DEFB125: variants seen among roughly 807,000 people sequenced by gnomAD.
DEFB125 encodes beta-defensin 125.
A neutral mutation model predicts 11.8 loss-of-function variants in DEFB125; 11 were observed. That is an observed-to-expected ratio of 0.94 (90% CI 0.59 to 1.55). The LOEUF (loss-of-function observed/expected upper bound fraction) is 1.55, where lower values mean the gene tolerates loss of function less well. Among genes scored for constraint, DEFB125 ranks in the 40% most tolerant of loss-of-function variants. DEFB125 has a pLI of 0.00. For missense variants in DEFB125, 198 were observed against 191.2 expected (o/e 1.04, Z -0.21); for synonymous variants, 79 against 66.7 (o/e 1.18, Z -0.90).
intron 1 of DEFB125, among the ~76,000 whole-genome samples, chr20:88,410 A>T (rs909555866): frequency 1.3e-5 from 2 of 152,200 alleles, no homozygotes; most frequent in Admixed American, 6.5e-5. Flanking sequence ...ACTTTTTATT[A>T]AAAAATAATA....
chr20:92,779 TCA>T, intron 1 of DEFB125, among the ~76,000 whole-genome samples: 1 of 152,174 alleles, frequency 6.6e-6, no homozygotes, highest in Middle Eastern at 3.4e-3. Context: ...GCTCTCCCCC[TCA>T]GTTTATCCCA....
At chr20:93,708 A>G (rs751180843) in intron 1 of DEFB125, among the ~76,000 whole-genome samples, 10 of 152,200 alleles carry the variant, frequency 6.6e-5, no homozygotes, top group Non-Finnish European at 1.3e-4. Flanking sequence ...GTTTTCATGC[A>G]TATCAGCCCA....
intron 1 of DEFB125, among the ~76,000 whole-genome samples, chr20:95,672 G>A (rs1240332718): frequency 6.6e-6 from 1 of 152,058 alleles, no homozygotes; most frequent in Non-Finnish European, 1.5e-5. Flanking sequence ...GCTCTTCTTT[G>A]TATATCTGGT....
rs373770106 is a variant in DEFB125 at position 96,083 on chromosome 20, T to C, written c.137T>C (p.Ile46Thr). 1.2e-6 allele frequency: 2 copies of C among 1,614,010 alleles called. No individual in the cohort carries two copies. The highest frequency in any genetic ancestry group is 1.3e-5 in the African/African-American group (1 of 74,946). ...RRRCLDTERY[I>T]LLCRNKLSCC... ...CGATGTTTAGATACTGAAAGGTACA[T>C]ACTTCTTTGTAGGAACAAGCTATCA... Residue 46 changes from isoleucine (I) to threonine (T), a missense_variant, in exon 2 of 2, where the codon ATA (isoleucine) becomes ACA (threonine). Ile to Thr is a moderately conservative substitution (Grantham distance 89, BLOSUM62 -1). Transcript: ENST00000382410.
intron 1 of DEFB125, 107 bp downstream of exon 1, chr20:87,874 C>A: frequency 8.2e-7 from 1 of 1,213,590 alleles, no homozygotes; most frequent in Non-Finnish European, 1.2e-6. Flanking sequence ...AAAATCTGGG[C>A]CAACAAAGAG....
chr20:87,910 C>A, intron 1 of DEFB125, 143 bp downstream of exon 1: 1 of 794,708 alleles, frequency 1.3e-6, no homozygotes, highest in South Asian at 1.6e-5. Context: ...ATTTTGGCAG[C>A]TCCATGCCCC....
chr20:89,373 AAAG>A (rs1469754357), intron 1 of DEFB125, among the ~76,000 whole-genome samples: 2 of 152,290 alleles, frequency 1.3e-5, no homozygotes, highest in East Asian at 3.9e-4. Flanking sequence ...AAAAAATTGT[AAAG>A]AAGTTAAAAG....
In DEFB125 at chr20:94,425, G is replaced by A. The variant is rs185903044; in HGVS notation, c.59-1580G>A. Among the ~76,000 whole-genome samples, 6 of 152,176 alleles carry A rather than the reference G, an allele frequency of 3.9e-5. No homozygotes were observed. In the East Asian group the frequency reaches 1.2e-3, roughly 29 times the overall value. On this transcript the variant is annotated intron_variant, in intron 1 of 1. Transcript: ENST00000382410. The stretch of plus-strand genomic sequence containing the variant: ...TTCGACGAGGTGAAGGTGGTGGTGG[G>A]GATGGTTTCAGGATGAAACTGTTCC...
At chr20:94,035 A>G (rs2054505819) in intron 1 of DEFB125, among the ~76,000 whole-genome samples, 1 of 152,096 alleles carries the variant, frequency 6.6e-6, no homozygotes, top group South Asian at 2.1e-4. Flanking sequence ...TTTTTCTGTA[A>G]CACTGCACCT....
At chr20:94,361 C>CT (rs2054507077) in intron 1 of DEFB125, among the ~76,000 whole-genome samples, 1 of 152,100 alleles carries the variant, frequency 6.6e-6, no homozygotes, top group Non-Finnish European at 1.5e-5. Flanking sequence ...CAGTGGACCC[C>CT]TTTTGGCACC....
At chr20:92,575 T>G (rs902572780) in intron 1 of DEFB125, among the ~76,000 whole-genome samples, 2 of 151,926 alleles carry the variant, frequency 1.3e-5, no homozygotes, top group Admixed American at 1.3e-4. Context: ...ATATTTTTAG[T>G]AGAGACAGGT....
At position 96,095 on chromosome 20, in the gene DEFB125, G is replaced by A. The variant is rs748762744; in HGVS notation, c.149G>A (p.Arg50Lys). ...ACTGAAAGGTACATACTTCTTTGTA[G>A]GAACAAGCTATCATGCTGCATTTCT... ...LDTERYILLCRNKLSCCISII... is the reference protein window; with the variant it reads ...LDTERYILLCKNKLSCCISII... The change falls in exon 2 of 2, where the codon AGG (arginine) becomes AAG (lysine). Residue 50 changes from arginine to lysine, a missense_variant. Coordinates refer to ENST00000382410, the MANE Select transcript of DEFB125 (RefSeq NM_153325.4). 1.9e-6 allele frequency: 3 copies of A among 1,613,968 alleles called. No individual in the cohort carries two copies. Among genetic ancestry groups the A allele is most frequent in the Non-Finnish European group, 2.5e-6 (3 of 1,180,040 alleles).
At chr20:91,327 T>C (rs1216310460) in intron 1 of DEFB125, among the ~76,000 whole-genome samples, 1 of 152,254 alleles carries the variant, frequency 6.6e-6, no homozygotes, top group East Asian at 1.9e-4. Flanking sequence ...GTAATCCTAA[T>C]TGCCTATTTT....
chr20:96,596 T>A lies in DEFB125; in HGVS notation c.*179T>A. 1.5e-6 allele frequency: 1 copy of A among 682,900 alleles called. No homozygotes were observed. Among genetic ancestry groups the A allele is most frequent in the Non-Finnish European group, 2.4e-6 (1 of 415,774 alleles). 42.3% of individuals were successfully genotyped at this position (682,900 alleles called of 1,614,324 possible). On this transcript the variant is annotated 3_prime_UTR_variant, in exon 2 of 2. Transcript: ENST00000382410. ...AAGAGAGTTGCCTTACAATTAGAAA[T>A]GTGTAGACAGAAATGTATAGAAGAT...
At chr20:93,486 T>C (rs1461841116) in intron 1 of DEFB125, among the ~76,000 whole-genome samples, 1 of 152,210 alleles carries the variant, frequency 6.6e-6, no homozygotes, top group Non-Finnish European at 1.5e-5. Flanking sequence ...GGTTTCTTTT[T>C]TCATACCACT....
chr20:93,924 T>C (rs1311082997), intron 1 of DEFB125, among the ~76,000 whole-genome samples: 1 of 152,146 alleles, frequency 6.6e-6, no homozygotes, highest in Non-Finnish European at 1.5e-5. Context: ...CTGTGGTAAT[T>C]CCCTTATTTG....
Position 96,293 on chromosome 20 carries a change from A to G in DEFB125, c.347A>G (p.Asn116Ser), listed in dbSNP as rs146549701. 27 of 1,614,120 alleles carry G rather than the reference A, an allele frequency of 1.7e-5. No homozygotes were observed. The African/African-American group carries it at 3.2e-4, about 19-fold the overall frequency. Residue 116 changes from asparagine to serine, a missense_variant, in exon 2 of 2, where the codon AAT (asparagine) becomes AGT (serine). Coordinates refer to ENST00000382410, the MANE Select transcript of DEFB125 (RefSeq NM_153325.4). ...GGAGAAACCATGACACCTGAGACCA[A>G]TACTCCTGAGACTACTATGCCACCA... ...KFGETMTPET[N>S]TPETTMPPSE...
intron 1 of DEFB125, among the ~76,000 whole-genome samples, chr20:93,641 C>T (rs1269212518): frequency 6.6e-6 from 1 of 152,180 alleles, no homozygotes; most frequent in African/African-American, 2.4e-5. Flanking sequence ...GTCTCCTCTC[C>T]TGCTTAATGT....
chr20:96,017 C>A lies in DEFB125; in HGVS notation c.71C>A (p.Pro24His), dbSNP rs745496891. The change falls in exon 2 of 2, where the codon CCC becomes CAC. Residue 24 changes from proline (P) to histidine (H), a missense_variant. Pro to His is a moderately conservative substitution (Grantham distance 77). Transcript: ENST00000382410. Reference protein sequence around the residue: ...LTRVTKGSFEPQKCWKNNVGH... With the variant: ...LTRVTKGSFEHQKCWKNNVGH... Reference sequence around the variant, plus strand: ...TTATTCTCTACAGGTAGCTTTGAACCCCAAAAATGTTGGAAGAATAATGTA... The same window carrying A: ...TTATTCTCTACAGGTAGCTTTGAACACCAAAAATGTTGGAAGAATAATGTA... The A allele has an allele frequency of 2.5e-6, 4 of 1,598,492 alleles. No homozygotes were observed. The Admixed American group carries it at 6.7e-5, about 27-fold the overall frequency.
Sources: gnomAD v4.1 joint callset for allele counts (sites outside exome capture counted in the v4.1 genomes callset) on GRCh38, gnomAD v4.1.1 for gene constraint, MANE v1.5 for transcripts, NCBI Gene and HGNC (gene_info 2026-07-23, HGNC 2026-07-21) for gene names.